TMED3: variants seen among roughly 807,000 people sequenced by gnomAD.
TMED3 encodes the protein transmembrane p24 trafficking protein 3, also known as transmembrane emp24 domain-containing protein 3.
In TMED3, 9 loss-of-function variants were observed where a neutral mutation model predicts 15.0. That is an observed-to-expected ratio of 0.60 (90% CI 0.36 to 1.04). The LOEUF is 1.04. Among genes scored for constraint, TMED3 ranks in the 50% least tolerant of loss-of-function variants. TMED3 has a pLI of 0.01. For synonymous variants in TMED3, 117 were observed against 121.4 expected, an observed-to-expected ratio of 0.96 and a Z score of 0.24; for missense variants, 267 against 278.9, an observed-to-expected ratio of 0.96 and a Z score of 0.30.
chr15:79,343,279 C>T (rs1280231926), intron 2 of TMED3, among the ~76,000 whole-genome samples: 1 of 152,146 alleles, frequency 6.6e-6, no homozygotes, highest in Non-Finnish European at 1.5e-5. Flanking sequence ...GTCCTTTATA[C>T]TCATACACAC....
intron 2 of TMED3, among the ~76,000 whole-genome samples, chr15:79,388,283 G>C (rs1398098004): frequency 6.6e-6 from 1 of 152,070 alleles, no homozygotes; most frequent in Non-Finnish European, 1.5e-5. Flanking sequence ...AGGGAAGTCT[G>C]CTTTTATTCC....
chr15:79,335,389 A>T (rs889726866), intron 2 of TMED3, among the ~76,000 whole-genome samples: 2 of 152,214 alleles, frequency 1.3e-5, no homozygotes, highest in African/African-American at 4.8e-5. Flanking sequence ...TGTGACCCCA[A>T]ACTATTTCTT....
At chr15:79,378,543 A>G (rs1167446334) in intron 2 of TMED3, among the ~76,000 whole-genome samples, 1 of 152,196 alleles carries the variant, frequency 6.6e-6, no homozygotes, top group African/African-American at 2.4e-5. Context: ...AGTTCCACCC[A>G]CTGTGACTGC....
chr15:79,377,472 A>G (rs1893446602), intron 2 of TMED3, among the ~76,000 whole-genome samples: 1 of 152,156 alleles, frequency 6.6e-6, no homozygotes, highest in Non-Finnish European at 1.5e-5. Flanking sequence ...AGATGTCTCT[A>G]ACTTCAGATA....
In TMED3 at chr15:79,353,302, A is replaced by ATATATAATATATATAATATATATTATG. The variant is rs1567030603; in HGVS notation, c.417+39302_417+39303insAATATATATAATATATATTATGTATAT. Among the ~76,000 whole-genome samples, 89 of 9,780 alleles carry ATATATAATATATATAATATATATTATG rather than the reference A, an allele frequency of 9.1e-3. 9 individuals carry two copies. Among genetic ancestry groups the ATATATAATATATATAATATATATTATG allele is most frequent in the Admixed American group, 0.07 (47 of 672 alleles). The allele number at this position is 9,780 out of a possible 152,430, so 6.4% of individuals were successfully genotyped here. A position where few individuals can be genotyped will look rare whatever the true frequency, so the allele number is the denominator to read the frequency against. ...ATAATATATATTATATGTATATTATATATATTATATATATAATATATATAA... is the reference window on the plus strand; with the variant it reads ...ATAATATATATTATATGTATATTATATATATAATATATATAATATATATTATGTATATTATATATATAATATATATAA... On this transcript the variant is annotated intron_variant, in intron 2 of 2. Transcript: ENST00000424155.
chr15:79,378,190 A>G (rs1393879030), intron 2 of TMED3, among the ~76,000 whole-genome samples: 1 of 152,268 alleles, frequency 6.6e-6, no homozygotes, highest in Non-Finnish European at 1.5e-5. Flanking sequence ...TGAATTATTA[A>G]TACAATTCAT....
At chr15:79,335,854 T>C (rs1424457634) in intron 2 of TMED3, among the ~76,000 whole-genome samples, 1 of 152,190 alleles carries the variant, frequency 6.6e-6, no homozygotes, top group African/African-American at 2.4e-5. Context: ...AGAAATTACA[T>C]TGAGTTCTTG....
chr15:79,386,608 C>T (rs12440613), intron 2 of TMED3, among the ~76,000 whole-genome samples: 17,152 of 151,982 alleles, frequency 0.11, 1,157 homozygotes, highest in East Asian at 0.2. Flanking sequence ...GGTGCGATCT[C>T]AGCTCATTGC....
At chr15:79,333,456 A>T (rs1216772243) in intron 2 of TMED3, among the ~76,000 whole-genome samples, 1 of 152,214 alleles carries the variant, frequency 6.6e-6, no homozygotes, top group African/African-American at 2.4e-5. Context: ...AAGCGTTTGT[A>T]TGCCCTCAAA....
At chr15:79,351,356 T>C (rs1228400478) in intron 2 of TMED3, among the ~76,000 whole-genome samples, 1 of 152,212 alleles carries the variant, frequency 6.6e-6, no homozygotes, top group Non-Finnish European at 1.5e-5. Flanking sequence ...ATAAGTACAT[T>C]CTCAGTTTAT....
At chr15:79,383,124 G>A in intron 2 of TMED3, 1 of 1,131,436 alleles carries the variant, frequency 8.8e-7, no homozygotes, top group Non-Finnish European at 1.3e-6. Context: ...CAGCTTTACT[G>A]CCATGGTGCA....
At chr15:79,377,190 A>T (rs750102196) in intron 2 of TMED3, among the ~76,000 whole-genome samples, 8 of 152,088 alleles carry the variant, frequency 5.3e-5, no homozygotes, top group Non-Finnish European at 1.2e-4. Flanking sequence ...TCTTTTCTAC[A>T]GTGGGCCTAC....
At chr15:79,328,269 A>G (rs2058794524) in intron 2 of TMED3, among the ~76,000 whole-genome samples, 1 of 152,222 alleles carries the variant, frequency 6.6e-6, no homozygotes, top group African/African-American at 2.4e-5. Flanking sequence ...CAGTCTTTTG[A>G]TGATAATCTG....
intron 2 of TMED3, among the ~76,000 whole-genome samples, chr15:79,368,959 GT>G (rs1482175527): frequency 1.3e-5 from 2 of 151,986 alleles, no homozygotes; most frequent in Non-Finnish European, 2.9e-5. Flanking sequence ...GCTGGGCATG[GT>G]GGCACACGGC....
intron 2 of TMED3, among the ~76,000 whole-genome samples, chr15:79,376,318 TTAAA>T (rs66815340): frequency 0.11 from 16,723 of 152,214 alleles, 983 homozygotes; most frequent in Admixed American, 0.14. Context: ...CTTGGGTAAC[TTAAA>T]TAAGAGTAGA....
intron 2 of TMED3, among the ~76,000 whole-genome samples, chr15:79,385,034 A>G (rs1419317228): frequency 6.6e-6 from 1 of 152,202 alleles, no homozygotes; most frequent in Non-Finnish European, 1.5e-5. Flanking sequence ...AAGAAGAGCA[A>G]GGTTGGGTGA....
chr15:79,333,844 A>G (rs1309947955), intron 2 of TMED3, among the ~76,000 whole-genome samples: 1 of 152,186 alleles, frequency 6.6e-6, no homozygotes, highest in East Asian at 1.9e-4. Flanking sequence ...CAAACTAAGT[A>G]AAACAGGGCT....
intron 2 of TMED3, among the ~76,000 whole-genome samples, chr15:79,334,729 G>T (rs997817541): frequency 6.6e-6 from 1 of 152,124 alleles, no homozygotes; most frequent in South Asian, 2.1e-4. Context: ...AATGTATTTC[G>T]GAAGAATTAC....
At chr15:79,372,406 C>T (rs1369371421) in intron 2 of TMED3, among the ~76,000 whole-genome samples, 1 of 152,182 alleles carries the variant, frequency 6.6e-6, no homozygotes, top group Non-Finnish European at 1.5e-5. Flanking sequence ...TTCTCCTCTC[C>T]TCTCCCTCCC....
Sources: gnomAD v4.1 joint callset for allele counts (sites outside exome capture counted in the v4.1 genomes callset) on GRCh38, gnomAD v4.1.1 for gene constraint, MANE v1.5 for transcripts, NCBI Gene and HGNC (gene_info 2026-07-23, HGNC 2026-07-21) for gene names.